Variants in ITGA11 observed in about 807,000 individuals in gnomAD.
ITGA11 encodes integrin alpha-11.
Under a neutral mutation model 141.9 loss-of-function variants are expected in ITGA11, and 97 were observed. The ratio of observed to expected loss-of-function variants is 0.68; its 90% confidence interval spans 0.58 to 0.81. The LOEUF is 0.81. Among genes scored for constraint, ITGA11 ranks in the 30% least tolerant of loss-of-function variants. The probability of loss-of-function intolerance (pLI) is 0.00; values close to 1 mark genes in which losing one functional copy is unlikely to be tolerated. For missense variants in ITGA11, 1,387 were observed against 1,559.2 expected (o/e 0.89, Z 1.86); for synonymous variants, 658 against 624.6 (o/e 1.05, Z -0.80).
chr15:68,387,190 G>A (rs754193987), intron 2 of ITGA11, among the ~76,000 whole-genome samples: 13 of 152,138 alleles, frequency 8.5e-5, no homozygotes, highest in Non-Finnish European at 1.9e-4. Flanking sequence ...TGCATTACAA[G>A]AATGAAGTGT....
chr15:68,314,377 A>G (rs1445926213), intron 22 of ITGA11, among the ~76,000 whole-genome samples: 1 of 152,210 alleles, frequency 6.6e-6, no homozygotes, highest in African/African-American at 2.4e-5. Context: ...GCTGGGAGTG[A>G]AATTCAGAGA....
intron 21 of ITGA11, among the ~76,000 whole-genome samples, chr15:68,316,698 C>G (rs1262494468): frequency 6.6e-6 from 1 of 152,248 alleles, no homozygotes; most frequent in African/African-American, 2.4e-5. Flanking sequence ...CAGCTCCTCT[C>G]TGATTCCCAA....
chr15:68,398,835 ATTT>A (rs1566937772), intron 2 of ITGA11, among the ~76,000 whole-genome samples: 2 of 147,744 alleles, frequency 1.4e-5, no homozygotes, highest in South Asian at 4.2e-4. Flanking sequence ...AAATATAAAT[ATTT>A]TATATTTTAT....
chr15:68,342,250 G>T (rs1894594417), intron 10 of ITGA11, among the ~76,000 whole-genome samples: 1 of 152,226 alleles, frequency 6.6e-6, no homozygotes, highest in African/African-American at 2.4e-5. Context: ...GAAGAGCTGT[G>T]TCCCCCGCTC....
At chr15:68,358,084 C>A (rs896283486) in intron 6 of ITGA11, among the ~76,000 whole-genome samples, 2 of 152,192 alleles carry the variant, frequency 1.3e-5, no homozygotes, top group African/African-American at 4.8e-5. Flanking sequence ...AGCCTAGCAG[C>A]CCTTACCTCT....
At chr15:68,380,206 G>T (rs1307792390) in intron 2 of ITGA11, among the ~76,000 whole-genome samples, 2 of 152,140 alleles carry the variant, frequency 1.3e-5, no homozygotes, top group African/African-American at 2.4e-5. Context: ...CAGGGATTTG[G>T]GTAACGCAGA....
chr15:68,387,262 C>T (rs544280048), intron 2 of ITGA11, among the ~76,000 whole-genome samples: 4 of 152,250 alleles, frequency 2.6e-5, no homozygotes, highest in African/African-American at 4.8e-5. Context: ...GCCCCATCTC[C>T]GCTGTCTCTG....
At chr15:68,406,244 C>A (rs1418253662) in intron 1 of ITGA11, among the ~76,000 whole-genome samples, 2 of 152,130 alleles carry the variant, frequency 1.3e-5, no homozygotes, top group Non-Finnish European at 2.9e-5. Flanking sequence ...CAGCTCCATC[C>A]CCTGTATCAA....
chr15:68,350,660 C>T lies in ITGA11; in HGVS notation c.1017G>A (p.Lys339=). The T allele has an allele frequency of 6.2e-7, 1 of 1,613,954 alleles. No individual in the cohort carries two copies. Residue 339 remains lysine (K), a synonymous_variant, in exon 9 of 30, where the codon AAG becomes AAA. Coordinates refer to ENST00000315757, the MANE Select transcript of ITGA11 (RefSeq NM_001004439.2). ...FFNVTDEAAL[K]DIVDALGDRI... is the part of the protein sequence containing the mutation. ...TGTCCCCCAGGGCATCGACAATGTC[C>T]TTCAAGGCAGCCTCATCAGTGACAT...
Position 68,305,231 on chromosome 15 carries a change from C to T in ITGA11, c.3382-1346G>A, listed in dbSNP as rs914965510. Among the ~76,000 whole-genome samples the T allele has an allele frequency of 6.6e-5, 10 of 152,198 alleles. No homozygotes were observed. Among genetic ancestry groups the T allele is most frequent in the East Asian group, 1.9e-4 (1 of 5,190 alleles). On this transcript the variant is annotated intron_variant, in intron 28 of 29. Transcript: ENST00000315757. This position sits in a 1 kb window ranked among gnomAD's most constrained non-coding sequence, Gnocchi z 4.6. ...CCTCTGCCTGCAAGGGTTTCCCTCA[C>T]GCAGCCACGAGACACTCCTGTCTTC...
chr15:68,312,719 G>C, intron 24 of ITGA11, 54 bp downstream of exon 24: 1 of 1,317,660 alleles, frequency 7.6e-7, no homozygotes, highest in Non-Finnish European at 1.1e-6. Context: ...CCTCCAGGAT[G>C]GGGGTGCTCA....
At chr15:68,345,666 C>T (rs963609663) in intron 10 of ITGA11, among the ~76,000 whole-genome samples, 4 of 152,222 alleles carry the variant, frequency 2.6e-5, no homozygotes, top group African/African-American at 9.7e-5. Context: ...CTTCAGGCAG[C>T]AGCTGTTTGA....
chr15:68,320,470 CA>C (rs2140287170), intron 19 of ITGA11, 78 bp from the exon 20 acceptor site: 8 of 1,282,002 alleles, frequency 6.2e-6, no homozygotes, highest in African/African-American at 1.5e-5. Context: ...AGGGTTGGGG[CA>C]AAAAGGTGGG....
chr15:68,372,007 T>C (rs1264723850), intron 2 of ITGA11, among the ~76,000 whole-genome samples: 1 of 152,142 alleles, frequency 6.6e-6, no homozygotes, highest in Non-Finnish European at 1.5e-5. Flanking sequence ...GGGCTTACTG[T>C]CGCCATAATA....
At chr15:68,415,866 T>C (rs1275486197) in intron 1 of ITGA11, among the ~76,000 whole-genome samples, 1 of 152,196 alleles carries the variant, frequency 6.6e-6, no homozygotes, top group East Asian at 1.9e-4. Flanking sequence ...GTGAAGCAGG[T>C]GCTGCCTGCC....
At chr15:68,364,957 T>C (rs964886579) in intron 3 of ITGA11, among the ~76,000 whole-genome samples, 159 bp from the exon 4 acceptor site, 6 of 152,054 alleles carry the variant, frequency 3.9e-5, no homozygotes, top group Non-Finnish European at 8.8e-5. Flanking sequence ...AGACGTACTC[T>C]CAGGACATCC....
At chr15:68,359,031 T>C (rs1895159835) in intron 5 of ITGA11, among the ~76,000 whole-genome samples, 1 of 152,216 alleles carries the variant, frequency 6.6e-6, no homozygotes, top group Admixed American at 6.5e-5. Flanking sequence ...GGCATCACAC[T>C]GACTCCTGGC....
chr15:68,420,182 T>C (rs1402595102), intron 1 of ITGA11, among the ~76,000 whole-genome samples: 1 of 152,220 alleles, frequency 6.6e-6, no homozygotes, highest in Non-Finnish European at 1.5e-5. Flanking sequence ...ATATAGATGA[T>C]GTCTGAATCA....
chr15:68,336,336 C>T (rs948753674), intron 11 of ITGA11, among the ~76,000 whole-genome samples: 4 of 152,058 alleles, frequency 2.6e-5, no homozygotes, highest in East Asian at 1.9e-4. Context: ...GAGTGTGAGC[C>T]GTAAATGTGG....
Sources: gnomAD v4.1 joint callset for allele counts (sites outside exome capture counted in the v4.1 genomes callset) on GRCh38, gnomAD v4.1.1 for gene constraint, Gnocchi (gnomAD v3.1) non-coding constraint, MANE v1.5 for transcripts, NCBI Gene and HGNC (gene_info 2026-07-23, HGNC 2026-07-21) for gene names.